ERC2: variants seen among roughly 807,000 people sequenced by gnomAD.
ERC2 encodes the protein ERC protein 2.
In ERC2, 42 loss-of-function variants were observed where a neutral mutation model predicts 114.8. That is an observed-to-expected ratio of 0.37 (90% confidence interval 0.29 to 0.47). The LOEUF (loss-of-function observed/expected upper bound fraction) is 0.47. ERC2 is among the 20% of genes least tolerant of loss of function. The pLI, the probability that ERC2 is intolerant of heterozygous loss-of-function variation, is 0.99. For synonymous variants in ERC2, 454 were observed against 425.5 expected, an observed-to-expected ratio of 1.07 and a Z score of -0.82; for missense variants, 939 against 1,150.7, an observed-to-expected ratio of 0.82 and a Z score of 2.66.
At position 55,951,644 on chromosome 3, in the gene ERC2, G is replaced by C. The variant is rs1266639206; in HGVS notation, c.2268-1084C>G. Among the ~76,000 whole-genome samples the C allele has an allele frequency of 3.9e-5, 6 of 152,086 alleles. No homozygotes were observed. In the South Asian group the frequency reaches 1.2e-3, roughly 32 times the overall value. On this transcript the variant is annotated intron_variant, in intron 12 of 17. Coordinates refer to ENST00000288221, the MANE Select transcript of ERC2 (RefSeq NM_015576.3). ...GTAGGAGGGCAGTACGGAGGGCTCG[G>C]GAGCATTGACACAAGAGGAGGGACG...
At chr3:56,162,747 A>T (rs189826189) in intron 4 of ERC2, among the ~76,000 whole-genome samples, 3 of 151,940 alleles carry the variant, frequency 2.0e-5, no homozygotes, top group Non-Finnish European at 4.4e-5. Flanking sequence ...TTTCTGATTG[A>T]ATTTATTTGG....
intron 15 of ERC2, among the ~76,000 whole-genome samples, chr3:55,722,228 A>C (rs561850760): frequency 3.1e-5 from 2 of 63,726 alleles, no homozygotes; most frequent in Admixed American, 3.3e-4. Context: ...GGGTTGTTGT[A>C]TGCATATTAA....
chr3:56,008,670 C>A (rs970071021), intron 9 of ERC2, among the ~76,000 whole-genome samples: 1 of 152,120 alleles, frequency 6.6e-6, no homozygotes, highest in Admixed American at 6.6e-5. Flanking sequence ...CTAGGAGTTG[C>A]TAATAGAAGG....
intron 14 of ERC2, among the ~76,000 whole-genome samples, chr3:55,881,957 T>C (rs1313527442): frequency 6.6e-6 from 1 of 152,216 alleles, no homozygotes; most frequent in African/African-American, 2.4e-5. Flanking sequence ...AGAGGAATAA[T>C]AACTGGCAGT....
intron 17 of ERC2, among the ~76,000 whole-genome samples, chr3:55,581,141 G>A (rs1396789198): frequency 6.6e-6 from 1 of 152,148 alleles, no homozygotes; most frequent in African/African-American, 2.4e-5. Flanking sequence ...GTTGGCCCTT[G>A]AAGGAGTCAG....
intron 17 of ERC2, among the ~76,000 whole-genome samples, chr3:55,511,483 A>G (rs2052062917): frequency 6.6e-6 from 1 of 152,192 alleles, no homozygotes. Flanking sequence ...TACGTCCTGC[A>G]AGTGCATCTG....
chr3:56,440,090 C>T (rs569824669), intron 1 of ERC2, among the ~76,000 whole-genome samples: 6 of 152,148 alleles, frequency 3.9e-5, no homozygotes, highest in African/African-American at 9.6e-5. Context: ...AATTATTAAA[C>T]CAACTAATAG....
chr3:56,204,476 C>CTTTTATTTTATTTTATTTTA (rs11267334), intron 3 of ERC2, among the ~76,000 whole-genome samples: 17,081 of 132,784 alleles, frequency 0.13, 1,521 homozygotes, highest in Non-Finnish European at 0.17. Context: ...TAATTAGATG[C>CTTTTATTTTATTTTATTTTA]TTTTATTTTA....
chr3:55,901,305 T>C (rs1188559628), intron 13 of ERC2, among the ~76,000 whole-genome samples: 1 of 152,216 alleles, frequency 6.6e-6, no homozygotes, highest in East Asian at 1.9e-4. Context: ...GTTCTACAGG[T>C]CAGAAGTCTA....
intron 7 of ERC2, among the ~76,000 whole-genome samples, chr3:56,070,436 A>G (rs2076678200): frequency 6.8e-6 from 1 of 147,966 alleles, no homozygotes; most frequent in Non-Finnish European, 1.5e-5. Flanking sequence ...ATCTTCAAGG[A>G]ATTTTGCAAG....
chr3:55,852,335 A>G (rs2061608930), intron 14 of ERC2, among the ~76,000 whole-genome samples: 1 of 152,254 alleles, frequency 6.6e-6, no homozygotes, highest in Non-Finnish European at 1.5e-5. Flanking sequence ...TGCCAAAGAC[A>G]TAGATTTTTA....
chr3:56,296,729 A>G (rs1380228830), intron 2 of ERC2, among the ~76,000 whole-genome samples: 1 of 152,226 alleles, frequency 6.6e-6, no homozygotes, highest in Non-Finnish European at 1.5e-5. Context: ...CAGAGTTTTA[A>G]TTTAGGAAAT....
At chr3:55,650,029 CA>C (rs2060549896) in intron 17 of ERC2, among the ~76,000 whole-genome samples, 2 of 152,154 alleles carry the variant, frequency 1.3e-5, no homozygotes, top group Non-Finnish European at 2.9e-5. Flanking sequence ...CCTTGCTGGC[CA>C]TGTGCCTCCA....
At chr3:56,024,692 T>C (rs1439822226) in intron 7 of ERC2, among the ~76,000 whole-genome samples, 1 of 152,246 alleles carries the variant, frequency 6.6e-6, no homozygotes, top group Non-Finnish European at 1.5e-5. Context: ...GCTTGGAGTC[T>C]GGATGGCCAA....
At chr3:55,733,552 A>T (rs945216410) in intron 15 of ERC2, among the ~76,000 whole-genome samples, 20 of 140,482 alleles carry the variant, frequency 1.4e-4, no homozygotes, top group African/African-American at 4.4e-4. Context: ...TCACACACAC[A>T]CACACACACA....
intron 17 of ERC2, among the ~76,000 whole-genome samples, chr3:55,512,307 C>A (rs1181039230): frequency 6.6e-6 from 1 of 152,206 alleles, no homozygotes. Flanking sequence ...TGGTGTAACC[C>A]TTCTGGTTAA....
intron 2 of ERC2, among the ~76,000 whole-genome samples, chr3:56,386,989 C>T (rs985699277): frequency 2.0e-5 from 3 of 152,160 alleles, no homozygotes; most frequent in East Asian, 1.9e-4. Context: ...GAGGGACCTG[C>T]GTGGTTTTCA....
intron 12 of ERC2, among the ~76,000 whole-genome samples, chr3:55,961,853 C>A (rs372456930): frequency 3.6e-4 from 49 of 136,308 alleles, no homozygotes; most frequent in Non-Finnish European, 3.7e-4. Flanking sequence ...GATACCCAGT[C>A]AAAAAAAAAA....
chr3:55,749,275 C>T (rs2066510476), intron 14 of ERC2, among the ~76,000 whole-genome samples: 1 of 152,214 alleles, frequency 6.6e-6, no homozygotes, highest in South Asian at 2.1e-4. Flanking sequence ...CTGTTGAATG[C>T]TGAGATCAGA....
Sources: allele counts gnomAD v4.1 joint callset (sites outside exome capture counted in the v4.1 genomes callset), GRCh38; gene constraint gnomAD v4.1.1; transcripts MANE v1.5; gene names NCBI Gene and HGNC (gene_info 2026-07-23, HGNC 2026-07-21).